The following PROSER1 variants were observed in gnomAD, a reference collection of about 807,000 sequenced individuals.
PROSER1 encodes the protein proline and serine rich 1.
Under a neutral mutation model 71.8 loss-of-function variants are expected in PROSER1, and 36 were observed. That is an observed-to-expected ratio of 0.50 (90% confidence interval 0.38 to 0.66). The LOEUF is 0.66. Among genes scored for constraint, PROSER1 ranks in the 30% least tolerant of loss-of-function variants. The pLI, the probability that PROSER1 is intolerant of heterozygous loss-of-function variation, is 0.00. For missense variants in PROSER1, 1,107 were observed against 1,135.0 expected, an observed-to-expected ratio of 0.98 and a Z score of 0.35; for synonymous variants, 490 against 452.4, an observed-to-expected ratio of 1.08 and a Z score of -1.06.
chr13:39,014,015 A>C lies in PROSER1; in HGVS notation c.1237T>G (p.Ser413Ala), dbSNP rs750608742. The change falls in exon 11 of 13, where the codon TCT becomes GCT. Residue 413 changes from serine (S) to alanine (A), a missense_variant. Transcript: ENST00000352251. The part of the protein sequence containing the change: ...FTSLPFSTSS[S>A]AASTSNPNSA... The stretch of plus-strand genomic sequence containing the variant: ...TTTGGGTTGCTGGTAGAAGCAGCAG[A>C]AGAGCTGGTGGAAAAGGGGAGGCTA... 2.5e-6 allele frequency: 4 copies of C among 1,614,126 alleles called. No individual in the cohort carries two copies.
intron 6 of PROSER1, 64 bp downstream of exon 6, chr13:39,026,213 A>C: frequency 9.8e-7 from 1 of 1,023,912 alleles, no homozygotes; most frequent in Non-Finnish European, 1.5e-6. Context: ...AATATCATTA[A>C]CTTATTCTAC....
chr13:39,028,734 T>C (rs922200529), intron 4 of PROSER1, among the ~76,000 whole-genome samples: 1 of 152,178 alleles, frequency 6.6e-6, no homozygotes, highest in Non-Finnish European at 1.5e-5. Flanking sequence ...CTTAAAAATG[T>C]ATGTGTTACA....
rs1213166381 is a variant in PROSER1, at chr13:39,022,313, A to C, written c.730+13T>G. The C allele has an allele frequency of 6.4e-7, 1 of 1,572,124 alleles. No individual in the cohort carries two copies. On this transcript the variant is annotated intron_variant, in intron 9 of 12. Coordinates refer to ENST00000352251, the MANE Select transcript of PROSER1 (RefSeq NM_025138.5). ...TGAATAAGTTACTTAAACACCCCCA[A>C]ATAACATTTTACCTGTTCCTACAGG... is the stretch of plus-strand genomic sequence containing the variant.
chr13:39,019,478 T>C (rs1448486974), intron 9 of PROSER1, among the ~76,000 whole-genome samples: 6 of 129,504 alleles, frequency 4.6e-5, no homozygotes, highest in African/African-American at 1.5e-4. Context: ...ATTGCGCCAC[T>C]GCACTTTAGC....
Position 39,013,915 on chromosome 13 carries a change from G to A in PROSER1, c.1337C>T (p.Pro446Leu), listed in dbSNP as rs201433122. 86 of 1,614,174 alleles carry A rather than the reference G, an allele frequency of 5.3e-5. No individual in the cohort carries two copies. The highest frequency in any genetic ancestry group is 4.9e-4 in the East Asian group (22 of 44,880). The change falls in exon 11 of 13, where the codon CCG becomes CTG. Residue 446 changes from proline to leucine, a missense_variant. Coordinates refer to ENST00000352251, the MANE Select transcript of PROSER1 (RefSeq NM_025138.5). ...AGAGCCACCAGCAATTACAGGAGTC[G>A]GGTTGGATAGGCCTTGGGATGTTGG... The part of the protein sequence containing the change: ...LPPTSQGLSN[P>L]TPVIAGGSTP...
rs938792587 is a variant in PROSER1, at chr13:39,019,481, A to G, written c.731-1937T>C. On this transcript the variant is annotated intron_variant, in intron 9 of 12. Coordinates refer to ENST00000352251, the MANE Select transcript of PROSER1 (RefSeq NM_025138.5). ...TGGTGAGCCGACATTGCGCCACTGC[A>G]CTTTAGCCTGGGCAACAAGAGCAAA... 1.2e-4 allele frequency among the ~76,000 whole-genome samples: 17 copies of G among 143,308 alleles called. 1 individual carries two copies. The South Asian group carries it at 3.8e-3, about 32-fold the overall frequency. 94.0% of individuals were successfully genotyped at this position (143,308 alleles called of 152,430 possible). A position where few individuals can be genotyped will look rare whatever the true frequency, so the allele number is the denominator to read the frequency against.
In PROSER1 at chr13:39,024,490, G is replaced by A; in HGVS notation, c.547C>T (p.Leu183Phe). ...AAACATACTGGTTTGGATGGCCCAA[G>A]AATTCGTGCAGCTATTCCTTTGCCT... ...NEGKGIAARILGPSKPPPSTY... is the reference protein window; with the variant it reads ...NEGKGIAARIFGPSKPPPSTY... Residue 183 changes from leucine to phenylalanine, a missense_variant, in exon 7 of 13, where the codon CTT (leucine) becomes TTT (phenylalanine). Transcript: ENST00000352251. 6.2e-7 allele frequency: 1 copy of A among 1,603,560 alleles called. No homozygotes were observed. The highest frequency in any genetic ancestry group is 8.5e-7 in the Non-Finnish European group (1 of 1,174,344).
intron 1 of PROSER1, among the ~76,000 whole-genome samples, chr13:39,034,422 G>A (rs1871001735): frequency 6.6e-6 from 1 of 152,156 alleles, no homozygotes; most frequent in African/African-American, 2.4e-5. Flanking sequence ...GATCTGCTGG[G>A]CTTCCCTACC....
In PROSER1 at chr13:39,029,332, T is replaced by C. The variant is rs780153404; in HGVS notation, c.224A>G (p.Asn75Ser). ...TTTGTCTTTACTGAAAGTGAAACAG[T>C]TGAGTATATTGACCACTTCTGTTGG... ...VQPTEVVNIL[N>S]CFTFSKDKLV... Residue 75 changes from asparagine (N) to serine (S), a missense_variant, in exon 4 of 13, where the codon AAC becomes AGC. Physicochemically the swap from Asn to Ser is conservative, Grantham distance 46 (BLOSUM62 1). Coordinates refer to ENST00000352251, the MANE Select transcript of PROSER1 (RefSeq NM_025138.5). 1.9e-6 allele frequency: 3 copies of C among 1,548,448 alleles called. No homozygotes were observed. Among genetic ancestry groups the C allele is most frequent in the Non-Finnish European group, 1.7e-6 (2 of 1,155,088 alleles).
At chr13:39,035,144 T>C (rs1445965355) in intron 1 of PROSER1, among the ~76,000 whole-genome samples, 1 of 152,214 alleles carries the variant, frequency 6.6e-6, no homozygotes. Flanking sequence ...TCAACTGAAA[T>C]ATCCTGGGTG....
chr13:39,023,112 G>T lies in PROSER1; in HGVS notation c.583C>A (p.Pro195Thr). 1.2e-6 allele frequency: 2 copies of T among 1,612,936 alleles called. No individual in the cohort carries two copies. The highest frequency in any genetic ancestry group is 1.7e-6 in the Non-Finnish European group (2 of 1,179,098). Reference sequence around the variant, plus strand: ...ATCGGATAAGGAACAGGTTTATGTGGATTATATGTTGAAGGAGGCTAAAAC... The same window carrying T: ...ATCGGATAAGGAACAGGTTTATGTGTATTATATGTTGAAGGAGGCTAAAAC... ...PSKPPPSTYN[P>T]HKPVPYPIPP... Residue 195 changes from proline to threonine, a missense_variant, in exon 8 of 13, where the codon CCA (proline) becomes ACA (threonine). Transcript: ENST00000352251.
chr13:39,029,300 C>T lies in PROSER1; in HGVS notation c.256G>A (p.Ala86Thr). The change falls in exon 4 of 13, where the codon GCT becomes ACT. Residue 86 changes from alanine to threonine, a missense_variant. Ala to Thr is a moderately conservative substitution (Grantham distance 58, BLOSUM62 0). Transcript: ENST00000352251. ...CFTFSKDKLV[A>T]LELLASNIID... ...ACTTACGAGGCTAACAGTTCAAGAGCAACTAGTTTGTCTTTACTGAAAGTG... is the reference window on the plus strand; with the variant it reads ...ACTTACGAGGCTAACAGTTCAAGAGTAACTAGTTTGTCTTTACTGAAAGTG... 1 of 1,447,552 alleles carries T rather than the reference C, an allele frequency of 6.9e-7. No individual in the cohort carries two copies. The highest frequency in any genetic ancestry group is 9.3e-7 in the Non-Finnish European group (1 of 1,081,002). 89.7% of individuals were successfully genotyped at this position (1,447,552 alleles called of 1,614,324 possible).
At position 39,014,072 on chromosome 13, in the gene PROSER1, C is replaced by T. The variant is rs1483307981; in HGVS notation, c.1180G>A (p.Glu394Lys). ...PTPRSTLGSS[E>K]AFASTSAPFT... ...GGTGCAGAAGTAGAAGCAAATGCTT[C>T]ACTGGAACCAAGAGTGGACCGTGGT... Residue 394 changes from glutamate (E) to lysine (K), a missense_variant, in exon 11 of 13, where the codon GAA becomes AAA. Coordinates refer to ENST00000352251, the MANE Select transcript of PROSER1 (RefSeq NM_025138.5). 1 of 1,614,058 alleles carries T rather than the reference C, an allele frequency of 6.2e-7. No homozygotes were observed. The highest frequency in any genetic ancestry group is 8.5e-7 in the Non-Finnish European group (1 of 1,180,042).
chr13:39,026,355 A>C lies in PROSER1; in HGVS notation c.402T>G (p.Ala134=). Residue 134 remains alanine (A), a synonymous_variant, in exon 6 of 13, where the codon GCT becomes GCG. Coordinates refer to ENST00000352251, the MANE Select transcript of PROSER1 (RefSeq NM_025138.5). The stretch of plus-strand genomic sequence containing the variant: ...GGATTGTTCCACAAGAAGATATCAT[A>C]GCATGAGGAGCTTTGCAGCCCCCCT... ...AFKGGCKAPH[A]MISSCGTIPG... 1 of 1,612,138 alleles carries C rather than the reference A, an allele frequency of 6.2e-7. No homozygotes were observed. Among genetic ancestry groups the C allele is most frequent in the Non-Finnish European group, 8.5e-7 (1 of 1,179,464 alleles).
chr13:39,024,538 C>T lies in PROSER1; in HGVS notation c.499G>A (p.Asp167Asn). The T allele has an allele frequency of 4.6e-6, 7 of 1,510,324 alleles. No individual in the cohort carries two copies. The highest frequency in any genetic ancestry group is 6.4e-6 in the Non-Finnish European group (7 of 1,099,248). 93.6% of individuals were successfully genotyped at this position (1,510,324 alleles called of 1,614,324 possible). ...CCTTCGTTAGTACATTCTTCACCAT[C>T]TTTTTTCAAAGGAGTTCCCTATTAA... ...GIFPGTPLKKDGEECTNEGKG... is the reference protein window; with the variant it reads ...GIFPGTPLKKNGEECTNEGKG... Residue 167 changes from aspartate to asparagine, a missense_variant, in exon 7 of 13, where the codon GAT becomes AAT. Asp to Asn is a conservative substitution (Grantham distance 23, BLOSUM62 1). Transcript: ENST00000352251.
Position 39,018,473 on chromosome 13 carries a change from GACACACACACAC to G in PROSER1, c.731-941_731-930del, listed in dbSNP as rs56659534. Reference sequence around the variant, plus strand: ...TAAAGAAAAAGGACTTTTAAAACCCGACACACACACACACACACACACACACACACACACACA... The same window carrying G: ...TAAAGAAAAAGGACTTTTAAAACCCGACACACACACACACACACACACACA... On this transcript the variant is annotated intron_variant, in intron 9 of 12. Transcript: ENST00000352251. Among the ~76,000 whole-genome samples, 128 of 120,248 alleles carry G rather than the reference GACACACACACAC, an allele frequency of 1.1e-3. 1 individual carries two copies. Among genetic ancestry groups the G allele is most frequent in the African/African-American group, 3.6e-3 (98 of 27,430 alleles). 78.9% of individuals were successfully genotyped at this position (120,248 alleles called of 152,430 possible). A position where few individuals can be genotyped will look rare whatever the true frequency, so the allele number is the denominator to read the frequency against.
At chr13:39,024,801 G>C (rs1047967290) in intron 6 of PROSER1, among the ~76,000 whole-genome samples, 1 of 152,100 alleles carries the variant, frequency 6.6e-6, no homozygotes, top group East Asian at 1.9e-4. Flanking sequence ...AAAACACAGA[G>C]AGGATGACAG....
At chr13:39,022,773 A>C (rs1416095743) in intron 8 of PROSER1, 2 of 400,284 alleles carry the variant, frequency 5.0e-6, no homozygotes, top group African/African-American at 2.0e-5. Context: ...CAACTACCAA[A>C]AAAAGGAATT....
rs1406672935 is a variant in PROSER1 at position 39,010,968 on chromosome 13, GCAA to G, written c.*394_*396del. The G allele has an allele frequency of 1.1e-5, 2 of 175,098 alleles. No homozygotes were observed. Among genetic ancestry groups the G allele is most frequent in the Non-Finnish European group, 2.4e-5 (2 of 82,862 alleles). 10.8% of individuals were successfully genotyped at this position (175,098 alleles called of 1,614,324 possible). ...GGTAGTAACTCCCCCAGGGCCACAT[GCAA>G]CCCCCAAGTCTGAGGCACAACTATT... On this transcript the variant is annotated 3_prime_UTR_variant, in exon 13 of 13. Coordinates refer to ENST00000352251, the MANE Select transcript of PROSER1 (RefSeq NM_025138.5).
Sources: gnomAD v4.1 joint callset for allele counts (sites outside exome capture counted in the v4.1 genomes callset) on GRCh38, gnomAD v4.1.1 for gene constraint, MANE v1.5 for transcripts, NCBI Gene and HGNC (gene_info 2026-07-23, HGNC 2026-07-21) for gene names.